Variants in UNC80 observed in about 807,000 individuals in gnomAD.
The protein encoded by UNC80 is unc-80 subunit of NALCN channel complex, also known as protein unc-80 homolog.
A neutral mutation model predicts 384.6 loss-of-function variants in UNC80; 164 were observed. The observed-to-expected ratio is 0.43, with a 90% CI of 0.38 to 0.49. The LOEUF (loss-of-function observed/expected upper bound fraction) is 0.49, where lower values mean the gene tolerates loss of function less well. UNC80 is among the 20% of genes least tolerant of loss of function. The pLI is 0.00. For missense variants in UNC80, 3,330 were observed against 4,143.0 expected (o/e 0.80, Z 5.39); for synonymous variants, 1,486 against 1,527.8 (o/e 0.97, Z 0.64).
intron 61 of UNC80, among the ~76,000 whole-genome samples, chr2:209,985,676 T>A (rs1366498144): frequency 6.6e-6 from 1 of 152,244 alleles, no homozygotes; most frequent in African/African-American, 2.4e-5. Flanking sequence ...TCTTGTGCTG[T>A]TGATTCACAC....
At chr2:209,886,676 T>C (rs2085838445) in intron 25 of UNC80, among the ~76,000 whole-genome samples, 1 of 152,110 alleles carries the variant, frequency 6.6e-6, no homozygotes, top group African/African-American at 2.4e-5. Context: ...GATACTGCTT[T>C]GAGCCTCTGG....
chr2:209,804,210 G>C (rs1574509521), intron 7 of UNC80, among the ~76,000 whole-genome samples: 1 of 152,184 alleles, frequency 6.6e-6, no homozygotes, highest in Non-Finnish European at 1.5e-5. Flanking sequence ...ATAGGCATAG[G>C]ATACCTGCTC....
chr2:209,826,721 A>T (rs1420379088), intron 14 of UNC80, among the ~76,000 whole-genome samples: 1 of 152,030 alleles, frequency 6.6e-6, no homozygotes, highest in African/African-American at 2.4e-5. Context: ...TTTCTTTTTC[A>T]ATTTGAACAA....
intron 60 of UNC80, among the ~76,000 whole-genome samples, chr2:209,984,421 G>A (rs960204996): frequency 6.6e-6 from 1 of 152,146 alleles, no homozygotes; most frequent in African/African-American, 2.4e-5. Flanking sequence ...GTGTGCTAAT[G>A]TTAGAATGCA....
At chr2:209,816,053 A>C (rs2079713033) in intron 9 of UNC80, among the ~76,000 whole-genome samples, 1 of 152,248 alleles carries the variant, frequency 6.6e-6, no homozygotes, top group Admixed American at 6.5e-5. Flanking sequence ...ACTTATTATG[A>C]GCTGAAAGTG....
At chr2:209,850,511 C>G (rs1226666439) in intron 22 of UNC80, among the ~76,000 whole-genome samples, 1 of 152,034 alleles carries the variant, frequency 6.6e-6, no homozygotes, top group Non-Finnish European at 1.5e-5. Context: ...GGAAAATAAT[C>G]CAAGCCTTAT....
chr2:209,995,816 A>G lies in UNC80; in HGVS notation c.*221A>G, dbSNP rs1430671450. On this transcript the variant is annotated 3_prime_UTR_variant, in exon 65 of 65. Transcript: ENST00000673920. ...GATTTAGTTGTGTGAAAATCACAAA[A>G]CCAGGGAGGAATAAGGGGAAAGAGC... 3.8e-6 allele frequency: 2 copies of G among 521,314 alleles called. No homozygotes were observed. The highest frequency in any genetic ancestry group is 6.7e-6 in the Non-Finnish European group (2 of 298,520). 32.3% of individuals were successfully genotyped at this position (521,314 alleles called of 1,614,324 possible). A position where few individuals can be genotyped will look rare whatever the true frequency, so the allele number is the denominator to read the frequency against.
chr2:209,808,587 C>T (rs1384163345), intron 7 of UNC80, among the ~76,000 whole-genome samples: 2 of 151,926 alleles, frequency 1.3e-5, no homozygotes, highest in African/African-American at 2.4e-5. Context: ...CAGCCAGGCC[C>T]GGCCCACTTG....
intron 23 of UNC80, among the ~76,000 whole-genome samples, chr2:209,876,394 A>G (rs1057407111): frequency 6.6e-6 from 1 of 152,224 alleles, no homozygotes; most frequent in Non-Finnish European, 1.5e-5. Flanking sequence ...TATTTGATGA[A>G]TGAAGGAAGA....
chr2:209,954,321 G>GAAA lies in UNC80; in HGVS notation c.7457+61_7457+63dup. The GAAA allele has an allele frequency of 3.5e-5, 35 of 998,346 alleles. No homozygotes were observed. In the African/African-American group the frequency reaches 4.9e-4, roughly 14 times the overall value. The allele number at this position is 998,346 out of a possible 1,614,324, so 61.8% of individuals were successfully genotyped here. On this transcript the variant is annotated intron_variant, in intron 48 of 64. Transcript: ENST00000673920. ...CAGCCTTACATCATATGTTTCCACT[G>GAAA]AAAAAAAAAAAATAAGAAAAAAATG...
At chr2:209,774,534 A>G (rs141272553) in intron 2 of UNC80, among the ~76,000 whole-genome samples, 13 of 152,320 alleles carry the variant, frequency 8.5e-5, no homozygotes, top group East Asian at 3.9e-4. Context: ...AAAAATTATT[A>G]AAAGTTGTAT....
intron 15 of UNC80, 71 bp downstream of exon 15, chr2:209,829,450 A>C (rs1482949537): frequency 2.0e-6 from 3 of 1,506,332 alleles, no homozygotes; most frequent in Non-Finnish European, 1.8e-6. Flanking sequence ...TCAAGGGGAC[A>C]CTAAATTTGT....
intron 14 of UNC80, among the ~76,000 whole-genome samples, chr2:209,826,395 G>C (rs893887445): frequency 6.6e-6 from 1 of 152,188 alleles, no homozygotes; most frequent in African/African-American, 2.4e-5. Context: ...TGTAACAAAT[G>C]ACTTTTTAAT....
intron 40 of UNC80, 100 bp from the exon 41 acceptor site, chr2:209,936,744 G>A: frequency 1.4e-6 from 1 of 730,528 alleles, no homozygotes; most frequent in Non-Finnish European, 2.4e-6. Context: ...TCTCGTAAGA[G>A]GTTACCTTGT....
rs556778586 is a variant in UNC80, at chr2:209,803,005, C to T, written c.938+9146C>T. On this transcript the variant is annotated intron_variant, in intron 7 of 64. Transcript: ENST00000673920. Reference sequence around the variant, plus strand: ...CATAAGCTACCTCAAAATATGGTAGCTGATTTGTTCAAAACCAGCAAGGGA... The same window carrying T: ...CATAAGCTACCTCAAAATATGGTAGTTGATTTGTTCAAAACCAGCAAGGGA... Among the ~76,000 whole-genome samples, 71 of 152,286 alleles carry T rather than the reference C, an allele frequency of 4.7e-4. No homozygotes were observed. In the Middle Eastern group the frequency reaches 0.014, roughly 29 times the overall value.
At chr2:209,789,683 G>A (rs1309900333) in intron 6 of UNC80, 78 bp downstream of exon 6, 2 of 1,043,788 alleles carry the variant, frequency 1.9e-6, no homozygotes, top group Non-Finnish European at 2.9e-6. Context: ...AAAGACATGA[G>A]TTCTAGAATC....
intron 29 of UNC80, among the ~76,000 whole-genome samples, chr2:209,905,856 A>G (rs1295799423): frequency 5.3e-5 from 8 of 152,238 alleles, no homozygotes; most frequent in African/African-American, 1.9e-4. Context: ...GACAGTGACC[A>G]GGGCTGCTGT....
chr2:209,979,020 G>A (rs569703461), intron 59 of UNC80, among the ~76,000 whole-genome samples: 106 of 152,248 alleles, frequency 7.0e-4, no homozygotes, highest in African/African-American at 2.3e-3. Flanking sequence ...AGGCCGAGGC[G>A]GGTGGATCAC....
chr2:209,792,382 C>T (rs1219894365), intron 6 of UNC80, among the ~76,000 whole-genome samples: 2 of 152,230 alleles, frequency 1.3e-5, no homozygotes, highest in Admixed American at 1.3e-4. Flanking sequence ...GAGTCTCACT[C>T]TGTTGCCCAG....
Sources: allele counts gnomAD v4.1 joint callset (sites outside exome capture counted in the v4.1 genomes callset), GRCh38; gene constraint gnomAD v4.1.1; transcripts MANE v1.5; gene names NCBI Gene and HGNC (gene_info 2026-07-23, HGNC 2026-07-21).